HM13: variants seen among roughly 807,000 people sequenced by gnomAD.
HM13 encodes histocompatibility minor 13, also known as signal peptide peptidase.
In HM13, 18 loss-of-function variants were observed where a neutral mutation model predicts 50.0. That is an observed-to-expected ratio of 0.36 (90% CI 0.25 to 0.53). The LOEUF is 0.53. Ranked by LOEUF, HM13 falls within the 20% of genes least tolerant of loss-of-function variation. The probability of loss-of-function intolerance (pLI) is 0.90; values close to 1 mark genes in which losing one functional copy is unlikely to be tolerated. For missense variants in HM13, 393 were observed against 552.4 expected (o/e 0.71, Z 2.89); for synonymous variants, 197 against 232.6 (o/e 0.85, Z 1.39).
chr20:31,545,114 G>A, intron 4 of HM13, 79 bp downstream of exon 4: 1 of 1,134,762 alleles, frequency 8.8e-7, no homozygotes, highest in East Asian at 2.4e-5. Flanking sequence ...CAATATTGGG[G>A]TTCTCCAATA....
At chr20:31,566,147 TG>T in intron 10 of HM13, 62 bp from the exon 11 acceptor site, 1 of 1,274,272 alleles carries the variant, frequency 7.8e-7, no homozygotes, top group Non-Finnish European at 1.1e-6. Flanking sequence ...TTTGGGGTGC[TG>T]GGCACGGCCC....
intron 8 of HM13, among the ~76,000 whole-genome samples, chr20:31,558,172 C>T (rs1220797156): frequency 6.6e-6 from 1 of 152,038 alleles, no homozygotes; most frequent in Non-Finnish European, 1.5e-5. Flanking sequence ...TTTCTTTTTT[C>T]TTTTTTAGCA....
intron 1 of HM13, among the ~76,000 whole-genome samples, chr20:31,524,223 G>A (rs1982349473): frequency 6.6e-6 from 1 of 152,002 alleles, no homozygotes; most frequent in Admixed American, 6.6e-5. Context: ...TTGGGCAACA[G>A]AGAGAGACCC....
rs1002263893 is a variant in HM13, at chr20:31,514,843, A to C, written c.183+109A>C. ...CTCTCCCCGGACACTGACTCTTCCCAGCCCTGATCACCACCGTTCCCTCTG... is the reference window on the plus strand; with the variant it reads ...CTCTCCCCGGACACTGACTCTTCCCCGCCCTGATCACCACCGTTCCCTCTG... On this transcript the variant is annotated intron_variant, in intron 1 of 12. Transcript: ENST00000398174. The surrounding 1 kb of genome is among the most constrained non-coding windows in gnomAD (Gnocchi z 4.3). The C allele has an allele frequency of 4.7e-6, 5 of 1,073,128 alleles. No individual in the cohort carries two copies. Among genetic ancestry groups the C allele is most frequent in the Non-Finnish European group, 6.4e-6 (5 of 775,618 alleles). 66.5% of individuals were successfully genotyped at this position (1,073,128 alleles called of 1,614,324 possible).
chr20:31,533,752 G>A (rs1982951160), intron 2 of HM13, among the ~76,000 whole-genome samples: 1 of 152,150 alleles, frequency 6.6e-6, no homozygotes, highest in Non-Finnish European at 1.5e-5. Flanking sequence ...TCCTTCTGTA[G>A]GACCTGTGAG....
rs1014515312 is a variant in HM13 at position 31,559,668 on chromosome 20, C to T, written c.845+21C>T. On this transcript the variant is annotated intron_variant, in intron 9 of 12. Coordinates refer to ENST00000398174, the MANE Select transcript of HM13 (RefSeq NM_178581.3). ...ATCAGGTGAGTGAGTGAGGGCCTGCCCCAGCATGGGCTTCTCCAGGGATTC... is the reference window on the plus strand; with the variant it reads ...ATCAGGTGAGTGAGTGAGGGCCTGCTCCAGCATGGGCTTCTCCAGGGATTC... 20 of 1,613,232 alleles carry T rather than the reference C, an allele frequency of 1.2e-5. No individual in the cohort carries two copies. The Admixed American group carries it at 2.2e-4, about 17-fold the overall frequency.
intron 12 of HM13, 139 bp downstream of exon 12, chr20:31,568,363 C>T: frequency 8.1e-7 from 1 of 1,240,596 alleles, no homozygotes; most frequent in East Asian, 2.6e-5. Flanking sequence ...TCCACAACCA[C>T]CAGGCAGTGG....
At chr20:31,543,669 C>T (rs1983567704) in intron 3 of HM13, among the ~76,000 whole-genome samples, 1 of 151,942 alleles carries the variant, frequency 6.6e-6, no homozygotes, top group African/African-American at 2.4e-5. Context: ...CGGTGGCTTA[C>T]GCCTGTAATC....
chr20:31,561,385 A>G (rs181733223), intron 9 of HM13, among the ~76,000 whole-genome samples: 1 of 152,282 alleles, frequency 6.6e-6, no homozygotes, highest in Non-Finnish European at 1.5e-5. Context: ...ATTCATAACT[A>G]CCAAGGAGAT....
chr20:31,543,807 G>A lies in HM13; in HGVS notation c.366-1140G>A, dbSNP rs59165944. The stretch of plus-strand genomic sequence containing the variant: ...AAATTAGTCGGGCATGGTGGCGGGT[G>A]CCTATAGTCCCAGCTACTCGGGAGG... On this transcript the variant is annotated intron_variant, in intron 3 of 12. Transcript: ENST00000398174. Among the ~76,000 whole-genome samples, 558 of 152,026 alleles carry A rather than the reference G, an allele frequency of 3.7e-3. 8 individuals carry two copies. Among genetic ancestry groups the A allele is most frequent in the African/African-American group, 0.013 (538 of 41,516 alleles).
At chr20:31,525,135 T>G (rs1422861231) in intron 1 of HM13, among the ~76,000 whole-genome samples, 1 of 152,194 alleles carries the variant, frequency 6.6e-6, no homozygotes, top group Non-Finnish European at 1.5e-5. Flanking sequence ...TCTATGTATT[T>G]CCTTTAGCCA....
At chr20:31,529,303 T>C (rs904543828) in intron 2 of HM13, among the ~76,000 whole-genome samples, 16 of 151,880 alleles carry the variant, frequency 1.1e-4, no homozygotes, top group Admixed American at 6.6e-5. Flanking sequence ...TGGAGTGCCA[T>C]AGTGCAATCA....
chr20:31,557,627 A>G (rs1030193802), intron 8 of HM13, among the ~76,000 whole-genome samples: 1 of 151,856 alleles, frequency 6.6e-6, no homozygotes, highest in Non-Finnish European at 1.5e-5. Flanking sequence ...CCCTACTCCT[A>G]CAGAGTATTC....
intron 8 of HM13, among the ~76,000 whole-genome samples, chr20:31,558,025 G>T (rs1027426853): frequency 2.0e-5 from 3 of 152,138 alleles, no homozygotes; most frequent in African/African-American, 7.2e-5. Context: ...GCTTCTCAGC[G>T]CCTTCCTTCA....
At chr20:31,564,777 G>A (rs1454973860) in intron 10 of HM13, among the ~76,000 whole-genome samples, 2 of 148,820 alleles carry the variant, frequency 1.3e-5, no homozygotes, top group African/African-American at 5.0e-5. Flanking sequence ...TCAGGAGGCG[G>A]AGGTTGCAAT....
intron 10 of HM13, chr20:31,562,735 T>C (rs1210158680): frequency 1.3e-5 from 2 of 152,204 alleles, no homozygotes; most frequent in Non-Finnish European, 2.9e-5. Flanking sequence ...AATAACTCAT[T>C]TAGTCCTAGT....
At chr20:31,557,003 A>G (rs1488614846) in intron 8 of HM13, among the ~76,000 whole-genome samples, 1 of 145,780 alleles carries the variant, frequency 6.9e-6, no homozygotes, top group African/African-American at 2.7e-5. Context: ...TGGGCCACAC[A>G]GCCAGACTCC....
At chr20:31,538,908 C>T in intron 3 of HM13, 1 of 244,112 alleles carries the variant, frequency 4.1e-6, no homozygotes, top group South Asian at 1.5e-4. Context: ...CTGTGTTAAC[C>T]TGCCAGACAA....
In HM13 at chr20:31,514,865, T is replaced by C; in HGVS notation, c.183+131T>C. 3 of 942,590 alleles carry C rather than the reference T, an allele frequency of 3.2e-6. No homozygotes were observed. Among genetic ancestry groups the C allele is most frequent in the African/African-American group, 1.7e-5 (1 of 57,582 alleles). The allele number at this position is 942,590 out of a possible 1,614,324, so 58.4% of individuals were successfully genotyped here. On this transcript the variant is annotated intron_variant, in intron 1 of 12. Coordinates refer to ENST00000398174, the MANE Select transcript of HM13 (RefSeq NM_178581.3). This position sits in a 1 kb window ranked among gnomAD's most constrained non-coding sequence, Gnocchi z 4.3. ...CCCAGCCCTGATCACCACCGTTCCC[T>C]CTGTCTCGGGCCCACATTCCGGGGC...
Sources: gnomAD v4.1 joint callset for allele counts (sites outside exome capture counted in the v4.1 genomes callset) on GRCh38, gnomAD v4.1.1 for gene constraint, Gnocchi (gnomAD v3.1) non-coding constraint, MANE v1.5 for transcripts, NCBI Gene and HGNC (gene_info 2026-07-23, HGNC 2026-07-21) for gene names.